The following NRXN3 variants were observed in gnomAD, a reference collection of about 807,000 sequenced individuals.
The protein encoded by NRXN3 is neurexin 3.
A neutral mutation model predicts 137.6 loss-of-function variants in NRXN3; 32 were observed. The observed-to-expected ratio is 0.23, with a 90% confidence interval of 0.18 to 0.31. The LOEUF is 0.31. Ranked by LOEUF, NRXN3 falls within the 10% of genes least tolerant of loss-of-function variation. The pLI is 1.00. For synonymous variants in NRXN3, 798 were observed against 784.5 expected (o/e 1.02, Z -0.29); for missense variants, 1,574 against 2,062.5 (o/e 0.76, Z 4.59).
chr14:78,194,502 C>T (rs2061044973), intron 1 of NRXN3, among the ~76,000 whole-genome samples: 1 of 152,084 alleles, frequency 6.6e-6, no homozygotes, highest in East Asian at 1.9e-4. Context: ...AATGTGTGAT[C>T]TAGGTGAGGT....
intron 10 of NRXN3, among the ~76,000 whole-genome samples, chr14:78,827,363 C>T (rs1258309227): frequency 6.6e-6 from 1 of 151,604 alleles, no homozygotes. Context: ...ATTTTTGGTT[C>T]GTTATTCTCT....
chr14:78,564,158 T>A (rs571449724), intron 4 of NRXN3, among the ~76,000 whole-genome samples: 5 of 152,202 alleles, frequency 3.3e-5, no homozygotes, highest in African/African-American at 1.2e-4. Flanking sequence ...AATTTCTCCC[T>A]TATAATAATA....
intron 4 of NRXN3, among the ~76,000 whole-genome samples, chr14:78,324,379 G>A (rs1205878041): frequency 2.0e-5 from 3 of 152,064 alleles, no homozygotes; most frequent in African/African-American, 7.3e-5. Flanking sequence ...AATGAGATGT[G>A]TTCTACCCAT....
chr14:78,234,523 G>T (rs1471979670), intron 1 of NRXN3, among the ~76,000 whole-genome samples: 1 of 152,190 alleles, frequency 6.6e-6, no homozygotes, highest in African/African-American at 2.4e-5. Flanking sequence ...AACCCAGGAA[G>T]TCTGGCTCTA....
intron 4 of NRXN3, among the ~76,000 whole-genome samples, chr14:78,342,730 C>T (rs768702904): frequency 6.6e-6 from 1 of 152,142 alleles, no homozygotes; most frequent in African/African-American, 2.4e-5. Flanking sequence ...AAAGCCTTTC[C>T]TAGATTTTCT....
At chr14:79,506,117 A>G (rs2096875541) in intron 16 of NRXN3, among the ~76,000 whole-genome samples, 1 of 152,214 alleles carries the variant, frequency 6.6e-6, no homozygotes, top group Admixed American at 6.5e-5. Context: ...AGATGGTCTT[A>G]TATAATGTAA....
At chr14:79,806,949 T>TATAC (rs1400398866) in intron 20 of NRXN3, among the ~76,000 whole-genome samples, 1 of 69,748 alleles carries the variant, frequency 1.4e-5, no homozygotes, top group African/African-American at 6.5e-5. Context: ...TATATATATA[T>TATAC]ATATATATAT....
In NRXN3 at chr14:79,449,598, T is replaced by C. The variant is rs1156939729; in HGVS notation, c.3263-17623T>C. Reference sequence around the variant, plus strand: ...AATCAGAACAAGACACTTTTATATATGATTTGCTATTTTATATATTCAAAT... The same window carrying C: ...AATCAGAACAAGACACTTTTATATACGATTTGCTATTTTATATATTCAAAT... On this transcript the variant is annotated intron_variant, in intron 15 of 20. Transcript: ENST00000335750. 2.6e-5 allele frequency among the ~76,000 whole-genome samples: 4 copies of C among 152,234 alleles called. No homozygotes were observed. The East Asian group carries it at 5.8e-4, about 22-fold the overall frequency.
chr14:78,410,961 C>G (rs2092791666), intron 4 of NRXN3, among the ~76,000 whole-genome samples: 1 of 152,136 alleles, frequency 6.6e-6, no homozygotes, highest in South Asian at 2.1e-4. Flanking sequence ...GCTTATACTT[C>G]TTAGCTGGGT....
At chr14:78,747,819 G>T (rs999635021) in intron 8 of NRXN3, among the ~76,000 whole-genome samples, 1 of 152,098 alleles carries the variant, frequency 6.6e-6, no homozygotes, top group African/African-American at 2.4e-5. Context: ...GATCTTTTCT[G>T]CCTCCTTTAG....
intron 10 of NRXN3, among the ~76,000 whole-genome samples, chr14:78,905,536 A>G (rs2099213259): frequency 6.6e-6 from 1 of 152,068 alleles, no homozygotes; most frequent in Admixed American, 6.6e-5. Flanking sequence ...ATAAAATGAT[A>G]AAAGTTGTAA....
At chr14:79,287,035 T>G (rs932089443) in intron 15 of NRXN3, among the ~76,000 whole-genome samples, 3 of 152,168 alleles carry the variant, frequency 2.0e-5, no homozygotes, top group African/African-American at 7.2e-5. Flanking sequence ...CTCTTTGAAT[T>G]CCTTGCACAA....
intron 4 of NRXN3, among the ~76,000 whole-genome samples, chr14:78,612,040 A>T (rs1459816016): frequency 2.6e-5 from 4 of 152,182 alleles, no homozygotes; most frequent in African/African-American, 7.2e-5. Context: ...TTGACTTGAA[A>T]GTGGGGGCAT....
intron 6 of NRXN3, among the ~76,000 whole-genome samples, chr14:78,657,705 T>C (rs1279027656): frequency 6.6e-6 from 1 of 152,234 alleles, no homozygotes; most frequent in Admixed American, 6.5e-5. Flanking sequence ...TTACATTTTA[T>C]AGAACCCTGA....
intron 16 of NRXN3, among the ~76,000 whole-genome samples, chr14:79,626,425 C>A (rs1379197450): frequency 7.0e-6 from 1 of 141,996 alleles, no homozygotes; most frequent in Non-Finnish European, 1.5e-5. Context: ...TTTTTTAAAC[C>A]ACTGAAATAA....
chr14:78,411,114 G>A (rs569310543), intron 4 of NRXN3, among the ~76,000 whole-genome samples: 3 of 152,242 alleles, frequency 2.0e-5, no homozygotes, highest in Admixed American at 1.3e-4. Flanking sequence ...TGCAAGCTTG[G>A]CCAATAGCCA....
chr14:79,123,930 A>G (rs1313260020), intron 15 of NRXN3, among the ~76,000 whole-genome samples: 3 of 152,262 alleles, frequency 2.0e-5, no homozygotes, highest in South Asian at 2.1e-4. Flanking sequence ...CTTTGTTTTT[A>G]ACCATTTCTA....
At chr14:78,366,834 A>G (rs983127836) in intron 4 of NRXN3, among the ~76,000 whole-genome samples, 1 of 152,252 alleles carries the variant, frequency 6.6e-6, no homozygotes, top group Non-Finnish European at 1.5e-5. Flanking sequence ...TTACAATTCA[A>G]TATGAGATCT....
chr14:78,266,128 T>G (rs1446334950), intron 2 of NRXN3, among the ~76,000 whole-genome samples: 3 of 152,156 alleles, frequency 2.0e-5, no homozygotes, highest in Admixed American at 1.3e-4. Flanking sequence ...AAACACCTCC[T>G]TTTTTTGTTT....
Sources: allele counts gnomAD v4.1 joint callset (sites outside exome capture counted in the v4.1 genomes callset), GRCh38; gene constraint gnomAD v4.1.1; transcripts MANE v1.5; gene names NCBI Gene and HGNC (gene_info 2026-07-23, HGNC 2026-07-21).